ALPL: variants seen among roughly 807,000 people sequenced by gnomAD.
The protein encoded by ALPL is alkaline phosphatase, tissue-nonspecific isozyme.
In ALPL, 42 loss-of-function variants were observed where a neutral mutation model predicts 51.3. That is an observed-to-expected ratio of 0.82 (90% CI 0.64 to 1.06). ALPL has a LOEUF of 1.06. Ranked by LOEUF, ALPL falls within the 50% of genes least tolerant of loss-of-function variation. The pLI is 0.00. For missense variants in ALPL, 589 were observed against 709.4 expected, an observed-to-expected ratio of 0.83 and a Z score of 1.93; for synonymous variants, 279 against 296.4, an observed-to-expected ratio of 0.94 and a Z score of 0.60.
chr1:21,540,946 G>A (rs1192476730), intron 1 of ALPL, among the ~76,000 whole-genome samples: 1 of 152,154 alleles, frequency 6.6e-6, no homozygotes, highest in African/African-American at 2.4e-5. Context: ...TTTGGAGATG[G>A]GAGCCCTTTG....
chr1:21,521,414 A>C (rs1361088718), intron 1 of ALPL, among the ~76,000 whole-genome samples: 1 of 152,014 alleles, frequency 6.6e-6, no homozygotes, highest in Non-Finnish European at 1.5e-5. Context: ...CAAACTCCTG[A>C]CCTCAGGTGA....
chr1:21,532,805 C>T (rs1644048188), intron 1 of ALPL, among the ~76,000 whole-genome samples: 1 of 152,202 alleles, frequency 6.6e-6, no homozygotes, highest in Admixed American at 6.5e-5. Flanking sequence ...CCTTCCCTGA[C>T]CATGCCTCAT....
chr1:21,533,617 AC>A (rs1254598803), intron 1 of ALPL, among the ~76,000 whole-genome samples: 2 of 152,018 alleles, frequency 1.3e-5, no homozygotes, highest in East Asian at 3.9e-4. Flanking sequence ...ACCATGCCAC[AC>A]TATTCAGAAG....
At chr1:21,539,388 A>G (rs1644151561) in intron 1 of ALPL, among the ~76,000 whole-genome samples, 1 of 152,236 alleles carries the variant, frequency 6.6e-6, no homozygotes. Context: ...GTTATTATTA[A>G]TCTTATGAAT....
Position 21,577,590 on chromosome 1 carries a change from T to C in ALPL, c.1517T>C (p.Leu506Pro). ...HCAPASSAGS[L>P]AAGPLLLALA... ...GCTCCTGCCAGCTCGGCAGGCAGCCTTGCTGCAGGCCCCCTGCTGCTCGCG... is the reference window on the plus strand; with the variant it reads ...GCTCCTGCCAGCTCGGCAGGCAGCCCTGCTGCAGGCCCCCTGCTGCTCGCG... Residue 506 changes from leucine to proline, a missense_variant, in exon 12 of 12, where the codon CTT becomes CCT. Coordinates refer to ENST00000374840, the MANE Select transcript of ALPL (RefSeq NM_000478.6). The C allele has an allele frequency of 6.2e-7, 1 of 1,602,002 alleles. No homozygotes were observed. The highest frequency in any genetic ancestry group is 8.5e-7 in the Non-Finnish European group (1 of 1,179,736).
At chr1:21,560,354 G>C (rs1225086387) in intron 2 of ALPL, among the ~76,000 whole-genome samples, 1 of 152,260 alleles carries the variant, frequency 6.6e-6, no homozygotes, top group African/African-American at 2.4e-5. Context: ...TGCCTGTGCT[G>C]TGTGGCCTTA....
chr1:21,531,900 G>A (rs563245547), intron 1 of ALPL, among the ~76,000 whole-genome samples: 5 of 110,058 alleles, frequency 4.5e-5, no homozygotes, highest in African/African-American at 1.8e-4. Flanking sequence ...ACCCCTCCCC[G>A]CCACCCTACA....
chr1:21,572,012 A>G (rs1198923912), intron 8 of ALPL, among the ~76,000 whole-genome samples: 1 of 151,900 alleles, frequency 6.6e-6, no homozygotes, highest in Non-Finnish European at 1.5e-5. Context: ...AAAGAAAGAA[A>G]ACATTAGCCA....
At chr1:21,521,122 A>G (rs999711036) in intron 1 of ALPL, among the ~76,000 whole-genome samples, 2 of 152,092 alleles carry the variant, frequency 1.3e-5, no homozygotes, top group Non-Finnish European at 1.5e-5. Context: ...GGAGGGTAGG[A>G]GCCCCATCTG....
rs903677143 is a variant in ALPL at position 21,553,908 on chromosome 1, A to G, written c.-104-70A>G. ...ACTTGTTGAATGAATCAAGGAATGA[A>G]TAAGTGAGTGAAAAAGGATCTCTAG... On this transcript the variant is annotated intron_variant, in intron 1 of 11. Coordinates refer to ENST00000374840, the MANE Select transcript of ALPL (RefSeq NM_000478.6). 17 of 667,832 alleles carry G rather than the reference A, an allele frequency of 2.5e-5. No homozygotes were observed. The Admixed American group carries it at 3.4e-4, about 13-fold the overall frequency. 41.4% of individuals were successfully genotyped at this position (667,832 alleles called of 1,614,324 possible). A position where few individuals can be genotyped will look rare whatever the true frequency, so the allele number is the denominator to read the frequency against.
chr1:21,575,381 C>T (rs1172802558), intron 9 of ALPL, among the ~76,000 whole-genome samples: 1 of 152,170 alleles, frequency 6.6e-6, no homozygotes, highest in Non-Finnish European at 1.5e-5. Flanking sequence ...CCAGCGTGCC[C>T]CCTTCCCTAC....
Position 21,577,686 on chromosome 1 carries a change from T to G in ALPL, c.*38T>G. On this transcript the variant is annotated 3_prime_UTR_variant, in exon 12 of 12. Transcript: ENST00000374840. Reference sequence around the variant, plus strand: ...CGGGCACCCACAAGCCCGTGACAGATGCCAACTTCCCACACGGCAGCCCCC... The same window carrying G: ...CGGGCACCCACAAGCCCGTGACAGAGGCCAACTTCCCACACGGCAGCCCCC... 3 of 1,582,622 alleles carry G rather than the reference T, an allele frequency of 1.9e-6. No homozygotes were observed. The highest frequency in any genetic ancestry group is 2.6e-6 in the Non-Finnish European group (3 of 1,171,952).
chr1:21,574,163 G>A, intron 9 of ALPL: 2 of 985,476 alleles, frequency 2.0e-6, no homozygotes, highest in Non-Finnish European at 2.4e-6. Context: ...CACGCTGTGT[G>A]CTGATGTTCC....
At chr1:21,571,004 G>C (rs1211678724) in intron 8 of ALPL, among the ~76,000 whole-genome samples, 1 of 152,232 alleles carries the variant, frequency 6.6e-6, no homozygotes, top group Non-Finnish European at 1.5e-5. Context: ...AGAGGTTATG[G>C]GCTCAGAGCT....
At chr1:21,560,091 C>T (rs1472115007) in intron 2 of ALPL, among the ~76,000 whole-genome samples, 2 of 152,226 alleles carry the variant, frequency 1.3e-5, no homozygotes, top group East Asian at 3.8e-4. Context: ...GCAAGCTTCG[C>T]TTTCCAGCAC....
intron 1 of ALPL, among the ~76,000 whole-genome samples, chr1:21,542,227 G>A (rs1033807809): frequency 7.2e-5 from 11 of 152,092 alleles, no homozygotes; most frequent in African/African-American, 4.8e-5. Context: ...CAGCTATGCA[G>A]GTGCCCCCCA....
chr1:21,567,980 A>C (rs1395619899), intron 6 of ALPL, 124 bp from the exon 7 acceptor site: 3 of 1,327,038 alleles, frequency 2.3e-6, no homozygotes, highest in Non-Finnish European at 3.2e-6. Flanking sequence ...GGCCTGGCTC[A>C]CCAGGCTGGG....
chr1:21,548,389 C>T (rs1570241017), intron 1 of ALPL, among the ~76,000 whole-genome samples: 1 of 152,360 alleles, frequency 6.6e-6, no homozygotes, highest in East Asian at 1.9e-4. Context: ...CAGGCCAAGC[C>T]TATCTCAATG....
intron 2 of ALPL, among the ~76,000 whole-genome samples, chr1:21,556,677 G>A (rs1022723504): frequency 3.3e-5 from 5 of 152,008 alleles, no homozygotes; most frequent in African/African-American, 1.2e-4. Context: ...GGTGGCTCAC[G>A]CCTGTAATCC....
Sources: gnomAD v4.1 joint callset for allele counts (sites outside exome capture counted in the v4.1 genomes callset) on GRCh38, gnomAD v4.1.1 for gene constraint, MANE v1.5 for transcripts, NCBI Gene and HGNC (gene_info 2026-07-23, HGNC 2026-07-21) for gene names.